Variants in PSMB3 observed in about 807,000 individuals in gnomAD.
The protein encoded by PSMB3 is proteasome 20S subunit beta 3, also known as proteasome subunit beta type-3.
In PSMB3, 5 loss-of-function variants were observed where a neutral mutation model predicts 23.3. The observed-to-expected ratio is 0.21, with a 90% CI of 0.11 to 0.45. PSMB3 has a LOEUF of 0.45. Among genes scored for constraint, PSMB3 ranks in the 20% least tolerant of loss-of-function variants. The probability of loss-of-function intolerance (pLI) is 0.99; values close to 1 mark genes in which losing one functional copy is unlikely to be tolerated. For synonymous variants in PSMB3, 85 were observed against 99.8 expected (o/e 0.85, Z 0.88); for missense variants, 192 against 277.9 (o/e 0.69, Z 2.20).
chr17:38,760,001 T>A (rs1053814341), intron 3 of PSMB3, among the ~76,000 whole-genome samples: 2 of 152,214 alleles, frequency 1.3e-5, no homozygotes, highest in Non-Finnish European at 2.9e-5. Flanking sequence ...GTCTGAGTTA[T>A]CTTGTATTAT....
In PSMB3 at chr17:38,752,786, G is replaced by C. The variant is rs1475302795; in HGVS notation, c.-41G>C. The C allele has an allele frequency of 1.2e-6, 2 of 1,613,766 alleles. No individual in the cohort carries two copies. The highest frequency in any genetic ancestry group is 2.2e-5 in the South Asian group (2 of 91,080). The stretch of plus-strand genomic sequence containing the variant: ...AGTGAAGGCTAGACCCGGTTTACTG[G>C]AATTGCTCTGGCGATCGAGGGATCC... On this transcript the variant is annotated 5_prime_UTR_variant, in exon 1 of 6. Transcript: ENST00000619426. The surrounding 1 kb of genome is among the most constrained non-coding windows in gnomAD (Gnocchi z 5.5).
At chr17:38,753,526 T>G (rs1440213828) in intron 2 of PSMB3, among the ~76,000 whole-genome samples, 192 bp downstream of exon 2, 1 of 151,870 alleles carries the variant, frequency 6.6e-6, no homozygotes, top group East Asian at 1.9e-4. Flanking sequence ...TCACCCAGGC[T>G]GGAGCTCAGT....
intron 5 of PSMB3, among the ~76,000 whole-genome samples, chr17:38,763,670 T>C (rs1908549410): frequency 6.6e-6 from 1 of 151,718 alleles, no homozygotes. Context: ...GCCCAGCTAA[T>C]TTTTGTATTT....
chr17:38,756,365 G>T (rs1400116813), intron 3 of PSMB3, among the ~76,000 whole-genome samples: 2 of 152,160 alleles, frequency 1.3e-5, no homozygotes, highest in African/African-American at 2.4e-5. Flanking sequence ...CTCCTTGAGG[G>T]CTTTATGGTG....
intron 3 of PSMB3, 152 bp from the exon 4 acceptor site, chr17:38,760,279 G>A: frequency 1.4e-6 from 1 of 694,322 alleles, no homozygotes; most frequent in Non-Finnish European, 2.4e-6. Flanking sequence ...GAAGGGAGAG[G>A]GAGCTGGCCT....
Position 38,753,300 on chromosome 17 carries a change from G to T in PSMB3, c.154G>T (p.Gly52Cys). The T allele has an allele frequency of 1.2e-6, 2 of 1,614,058 alleles. No individual in the cohort carries two copies. The highest frequency in any genetic ancestry group is 1.7e-6 in the Non-Finnish European group (2 of 1,180,006). The change falls in exon 2 of 6, where the codon GGT (glycine) becomes TGT (cysteine). Residue 52 changes from glycine to cysteine, a missense_variant. Gly to Cys is a radical substitution (Grantham distance 159). Transcript: ENST00000619426. ...IFPMGDRLYIGLAGLATDVQT... is the reference protein window; with the variant it reads ...IFPMGDRLYICLAGLATDVQT... ...TCCCATGGGTGACCGGCTGTACATC[G>T]GTCTGGCCGGGCTCGCCACTGACGT...
rs1907992097 is a variant in PSMB3, at chr17:38,752,820, CGCAA to C, written c.-6_-3del. 1.2e-6 allele frequency: 2 copies of C among 1,613,964 alleles called. No individual in the cohort carries two copies. The highest frequency in any genetic ancestry group is 1.7e-6 in the Non-Finnish European group (2 of 1,180,004). On this transcript the variant is annotated 5_prime_UTR_variant, in exon 1 of 6. Transcript: ENST00000619426. This position sits in a 1 kb window ranked among gnomAD's most constrained non-coding sequence, Gnocchi z 5.5. ...TGGCGATCGAGGGATCCTAGTACAC[CGCAA>C]TCATGGTGAGATGGGGAGTTAAAGC...
intron 4 of PSMB3, chr17:38,762,164 A>G: frequency 2.0e-6 from 1 of 501,426 alleles, no homozygotes; most frequent in Non-Finnish European, 3.5e-6. Flanking sequence ...TATTTGCCCA[A>G]TGTCACACTG....
At chr17:38,764,020 C>A in intron 5 of PSMB3, 99 bp from the exon 6 acceptor site, 1 of 1,429,732 alleles carries the variant, frequency 7.0e-7, no homozygotes, top group Non-Finnish European at 9.8e-7. Flanking sequence ...GCTCCCTTGC[C>A]GCAGGGCTTG....
intron 3 of PSMB3, among the ~76,000 whole-genome samples, chr17:38,759,024 C>T (rs1169429254): frequency 6.6e-6 from 1 of 151,856 alleles, no homozygotes; most frequent in Non-Finnish European, 1.5e-5. Context: ...CCAGCCTGGG[C>T]GACAGAGCAA....
chr17:38,753,331 C>G lies in PSMB3; in HGVS notation c.185C>G (p.Thr62Arg). 1 of 1,613,586 alleles carries G rather than the reference C, an allele frequency of 6.2e-7. No homozygotes were observed. Residue 62 changes from threonine (T) to arginine (R), a missense_variant, in exon 2 of 6, where the codon ACA (threonine) becomes AGA (arginine). By Grantham distance (71) the Thr-to-Arg change is moderately conservative. Transcript: ENST00000619426. ...GCCGGGCTCGCCACTGACGTCCAGA[C>G]AGTGTAAGTTTCAAGGGTCCCCGCC... ...GLAGLATDVQTVAQRLKFRLN... is the reference protein window; with the variant it reads ...GLAGLATDVQRVAQRLKFRLN...
intron 2 of PSMB3, among the ~76,000 whole-genome samples, chr17:38,753,966 C>G (rs763392445): frequency 6.6e-6 from 1 of 152,154 alleles, no homozygotes; most frequent in Non-Finnish European, 1.5e-5. Flanking sequence ...AGTTTGAGAG[C>G]TGAACGTTAC....
intron 2 of PSMB3, among the ~76,000 whole-genome samples, chr17:38,754,004 CAGAGAAGAATA>C (rs1326838455): frequency 6.6e-6 from 1 of 152,066 alleles, no homozygotes; most frequent in African/African-American, 2.4e-5. Flanking sequence ...GAAGAGAAGC[CAGAGAAGAATA>C]AGAGAGGAAA....
intron 3 of PSMB3, among the ~76,000 whole-genome samples, chr17:38,756,545 G>A (rs1908204229): frequency 6.6e-6 from 1 of 152,064 alleles, no homozygotes; most frequent in Admixed American, 6.6e-5. Flanking sequence ...ACCCAGGCTG[G>A]AGTGCAGTGG....
chr17:38,753,721 C>T (rs1277522367), intron 2 of PSMB3, among the ~76,000 whole-genome samples: 22 of 152,234 alleles, frequency 1.4e-4, no homozygotes, highest in South Asian at 8.3e-4. Context: ...TCAAGTGATC[C>T]ACCTGCCTCA....
Position 38,760,439 on chromosome 17 carries a change from C to T in PSMB3, c.305C>T (p.Pro102Leu). ...ANLLYEKRFG[P>L]YYTEPVIAGL... is the part of the protein sequence containing the mutation. Reference sequence around the variant, plus strand: ...GATGCTGGCCCCCACAGGTTTGGCCCTTACTACACTGAGCCAGTCATTGCC... The same window carrying T: ...GATGCTGGCCCCCACAGGTTTGGCCTTTACTACACTGAGCCAGTCATTGCC... Residue 102 changes from proline (P) to leucine (L), a missense_variant, in exon 4 of 6, where the codon CCT becomes CTT. Coordinates refer to ENST00000619426, the MANE Select transcript of PSMB3 (RefSeq NM_002795.4). 3 of 1,614,046 alleles carry T rather than the reference C, an allele frequency of 1.9e-6. No individual in the cohort carries two copies. The highest frequency in any genetic ancestry group is 2.5e-6 in the Non-Finnish European group (3 of 1,179,976).
intron 4 of PSMB3, 41 bp downstream of exon 4, chr17:38,760,649 C>CCA: frequency 6.2e-7 from 1 of 1,610,546 alleles, no homozygotes; most frequent in Non-Finnish European, 8.5e-7. Flanking sequence ...TCTGAGTTAC[C>CCA]CACCCTTGGT....
At position 38,760,549 on chromosome 17, in the gene PSMB3, A is replaced by G. The variant is rs1411991002; in HGVS notation, c.415A>G (p.Ser139Gly). The change falls in exon 4 of 6, where the codon AGT becomes GGT. Residue 139 changes from serine (S) to glycine (G), a missense_variant. By Grantham distance (56) the Ser-to-Gly change is moderately conservative. Coordinates refer to ENST00000619426, the MANE Select transcript of PSMB3 (RefSeq NM_002795.4). ...CATGGTGACTGATGACTTTGTGGTC[A>G]GTGGCACCTGCGCCGAACAAATGTA... is the stretch of plus-strand genomic sequence containing the variant. ...CPMVTDDFVV[S>G]GTCAEQMYGM... 2 of 1,614,262 alleles carry G rather than the reference A, an allele frequency of 1.2e-6. No homozygotes were observed. The highest frequency in any genetic ancestry group is 1.1e-5 in the South Asian group (1 of 91,090).
chr17:38,758,218 A>T (rs1490541514), intron 3 of PSMB3, among the ~76,000 whole-genome samples: 1 of 152,192 alleles, frequency 6.6e-6, no homozygotes, highest in Non-Finnish European at 1.5e-5. Flanking sequence ...CTGATTTCAG[A>T]TGGGCTCATA....
Sources: allele counts gnomAD v4.1 joint callset (sites outside exome capture counted in the v4.1 genomes callset), GRCh38; gene constraint gnomAD v4.1.1; non-coding constraint Gnocchi (gnomAD v3.1); transcripts MANE v1.5; gene names NCBI Gene and HGNC (gene_info 2026-07-23, HGNC 2026-07-21).